The following BMPER variants were observed in gnomAD, a reference collection of about 807,000 sequenced individuals.
BMPER encodes BMP-binding endothelial regulator protein.
BMPER carries 45 observed loss-of-function variants against 87.3 expected under a neutral mutation model. The ratio of observed to expected loss-of-function variants is 0.52; its 90% CI spans 0.41 to 0.66. The LOEUF is 0.66. BMPER is among the 30% of genes least tolerant of loss of function. The probability of loss-of-function intolerance (pLI) is 0.00; values close to 1 mark genes in which losing one functional copy is unlikely to be tolerated. For synonymous variants in BMPER, 326 were observed against 316.2 expected, an observed-to-expected ratio of 1.03 and a Z score of -0.33; for missense variants, 784 against 867.5, an observed-to-expected ratio of 0.90 and a Z score of 1.21.
chr7:33,939,449 G>A (rs1033413779), intron 3 of BMPER, among the ~76,000 whole-genome samples: 2 of 152,106 alleles, frequency 1.3e-5, no homozygotes, highest in African/African-American at 2.4e-5. Flanking sequence ...AACGCATTTG[G>A]GGGGAGGTCA....
At chr7:34,122,139 C>T (rs376246743) in intron 13 of BMPER, among the ~76,000 whole-genome samples, 1 of 151,950 alleles carries the variant, frequency 6.6e-6, no homozygotes, top group African/African-American at 2.4e-5. Flanking sequence ...GAAATCTGTT[C>T]TAGACTACTG....
rs535516813 is a variant in BMPER at position 33,952,540 on chromosome 7, C to T, written c.320-13939C>T. The stretch of plus-strand genomic sequence containing the variant: ...CCCTGGCAAAGGAATGATTTGACAC[C>T]GAAGCCCCTGCAGTCTGTCTAGGTT... On this transcript the variant is annotated intron_variant, in intron 3 of 14. Transcript: ENST00000649409. 2.6e-4 allele frequency among the ~76,000 whole-genome samples: 39 copies of T among 152,212 alleles called. 1 individual carries two copies. The highest frequency in any genetic ancestry group is 8.4e-4 in the African/African-American group (35 of 41,524).
At chr7:33,968,858 T>C (rs1480985731) in intron 4 of BMPER, among the ~76,000 whole-genome samples, 2 of 152,184 alleles carry the variant, frequency 1.3e-5, no homozygotes, top group African/African-American at 4.8e-5. Flanking sequence ...AATTTGAAGA[T>C]CATGGACAGG....
At chr7:33,960,594 G>T (rs1785243288) in intron 3 of BMPER, among the ~76,000 whole-genome samples, 1 of 152,166 alleles carries the variant, frequency 6.6e-6, no homozygotes, top group South Asian at 2.1e-4. Context: ...ATGACTGTTT[G>T]TGTGCTTATT....
intron 11 of BMPER, among the ~76,000 whole-genome samples, chr7:34,074,709 CCTTT>C (rs1172797550): frequency 4.6e-5 from 7 of 152,174 alleles, no homozygotes; most frequent in African/African-American, 1.7e-4. Flanking sequence ...GCTGGAGAGA[CCTTT>C]CTCTTTGCTG....
At chr7:33,910,716 GGGCTCCACCTGTCTT>G (rs140800509) in intron 2 of BMPER, among the ~76,000 whole-genome samples, 1 of 152,304 alleles carries the variant, frequency 6.6e-6, no homozygotes, top group Non-Finnish European at 1.5e-5. Context: ...ACAAGAATCA[GGGCTCCACCTGTCTT>G]GGAGCCAATC....
intron 13 of BMPER, among the ~76,000 whole-genome samples, chr7:34,102,490 C>G (rs370206677): frequency 6.6e-6 from 1 of 152,140 alleles, no homozygotes; most frequent in East Asian, 1.9e-4. Flanking sequence ...GTGGGTGATG[C>G]CGCTGCTGTT....
chr7:34,078,301 A>T (rs918439701), intron 11 of BMPER, among the ~76,000 whole-genome samples: 1 of 152,160 alleles, frequency 6.6e-6, no homozygotes, highest in Non-Finnish European at 1.5e-5. Flanking sequence ...TTGTTTCCTG[A>T]TACTATTAAA....
intron 3 of BMPER, among the ~76,000 whole-genome samples, chr7:33,966,023 A>G (rs995148435): frequency 1.3e-5 from 2 of 152,218 alleles, no homozygotes; most frequent in Admixed American, 6.5e-5. Flanking sequence ...TTAGATGAGT[A>G]TAGAATTTTG....
intron 3 of BMPER, among the ~76,000 whole-genome samples, chr7:33,941,924 G>A (rs1411151462): frequency 6.6e-6 from 1 of 152,166 alleles, no homozygotes; most frequent in Admixed American, 6.5e-5. Context: ...GCATTCAGAG[G>A]TAATACCTTT....
intron 13 of BMPER, among the ~76,000 whole-genome samples, chr7:34,116,309 C>A (rs1790117399): frequency 6.6e-6 from 1 of 152,194 alleles, no homozygotes; most frequent in African/African-American, 2.4e-5. Flanking sequence ...CCTCTTCCTT[C>A]TAGTATAGGT....
chr7:33,936,943 G>T (rs1388615793), intron 2 of BMPER, among the ~76,000 whole-genome samples: 1 of 152,096 alleles, frequency 6.6e-6, no homozygotes, highest in Non-Finnish European at 1.5e-5. Context: ...GCAAAATATG[G>T]TTTACACAAA....
chr7:33,945,896 C>G (rs1321501310), intron 3 of BMPER, among the ~76,000 whole-genome samples: 3 of 152,060 alleles, frequency 2.0e-5, no homozygotes, highest in Non-Finnish European at 1.5e-5. Flanking sequence ...CAGAGGGTGA[C>G]CATGTCCTCA....
intron 13 of BMPER, among the ~76,000 whole-genome samples, chr7:34,121,015 ATTAT>A (rs1790252197): frequency 6.6e-6 from 1 of 150,896 alleles, no homozygotes; most frequent in Admixed American, 6.6e-5. Context: ...GTAATATATA[ATTAT>A]TTAATATATT....
chr7:33,992,223 AG>A (rs1293293596), intron 6 of BMPER, among the ~76,000 whole-genome samples: 3 of 135,230 alleles, frequency 2.2e-5, no homozygotes, highest in Non-Finnish European at 4.7e-5. Context: ...GGGGTGTTAA[AG>A]TCTCCCATTA....
chr7:34,111,172 A>G (rs890807671), intron 13 of BMPER, among the ~76,000 whole-genome samples: 5 of 152,184 alleles, frequency 3.3e-5, no homozygotes, highest in African/African-American at 1.2e-4. Flanking sequence ...ATTTTTTCGT[A>G]AGCGTTTATG....
intron 13 of BMPER, among the ~76,000 whole-genome samples, chr7:34,121,595 A>G (rs1790264437): frequency 6.6e-6 from 1 of 152,212 alleles, no homozygotes; most frequent in African/African-American, 2.4e-5. Context: ...AAAGGGTTAC[A>G]GAGACAGTTT....
intron 6 of BMPER, among the ~76,000 whole-genome samples, chr7:34,017,903 C>T (rs1213332985): frequency 1.7e-4 from 26 of 150,934 alleles, no homozygotes; most frequent in African/African-American, 5.8e-4. Context: ...CTGTGTTACT[C>T]TCTTCTTGGG....
At chr7:34,141,844 T>C (rs2127994325) in intron 13 of BMPER, among the ~76,000 whole-genome samples, 1 of 152,308 alleles carries the variant, frequency 6.6e-6, no homozygotes, top group Middle Eastern at 3.4e-3. Context: ...GTGGGTTCAC[T>C]GTGGGTCTGT....
Sources: gnomAD v4.1 joint callset for allele counts (sites outside exome capture counted in the v4.1 genomes callset) on GRCh38, gnomAD v4.1.1 for gene constraint, MANE v1.5 for transcripts, NCBI Gene and HGNC (gene_info 2026-07-23, HGNC 2026-07-21) for gene names.